FGF13: variants seen among roughly 807,000 people sequenced by gnomAD.
FGF13 encodes the protein fibroblast growth factor homologous factor 2.
Under a neutral mutation model 19.5 loss-of-function variants are expected in FGF13, and 2 were observed. The ratio of observed to expected loss-of-function variants is 0.10; its 90% CI spans 0.04 to 0.32. The LOEUF (loss-of-function observed/expected upper bound fraction) is 0.32, where lower values mean the gene tolerates loss of function less well. FGF13 is among the 10% of genes least tolerant of loss of function. FGF13 has a pLI of 1.00. For synonymous variants in FGF13, 72 were observed against 76.9 expected (o/e 0.94, Z 0.33); for missense variants, 113 against 192.7 (o/e 0.59, Z 2.45).
chrX:138,918,066 G>T (rs2091626792), intron 1 of FGF13, among the ~76,000 whole-genome samples: 1 of 110,661 alleles, frequency 9.0e-6, no homozygotes, highest in African/African-American at 3.3e-5. Flanking sequence ...CTGTGCCTAT[G>T]ATGGGGAGAC....
intron 3 of FGF13, among the ~76,000 whole-genome samples, chrX:138,817,244 G>A (rs1027963098): frequency 9.9e-5 from 11 of 111,299 alleles, no homozygotes; most frequent in African/African-American, 2.9e-4. Context: ...TAGGTATACC[G>A]CCTTGTGGTA....
intron 3 of FGF13, among the ~76,000 whole-genome samples, chrX:138,754,700 A>G (rs1316711733): frequency 1.8e-5 from 2 of 111,510 alleles, no homozygotes; most frequent in East Asian, 5.7e-4. Context: ...ATAGTTTTGC[A>G]CAAACAATGT....
intron 1 of FGF13, among the ~76,000 whole-genome samples, chrX:138,971,073 A>G (rs2091913545): frequency 9.0e-6 from 1 of 111,621 alleles, no homozygotes; most frequent in Non-Finnish European, 1.9e-5. Context: ...ATATATGCAA[A>G]TCTGGGGAGC....
chrX:139,165,444 T>C (rs1319563295), intron 1 of FGF13, among the ~76,000 whole-genome samples: 3 of 111,563 alleles, frequency 2.7e-5, no homozygotes. Context: ...TGACCATTTG[T>C]TAAAGAGATT....
At chrX:138,678,928 T>A (rs2089700413) in intron 3 of FGF13, among the ~76,000 whole-genome samples, 1 of 112,360 alleles carries the variant, frequency 8.9e-6, no homozygotes, top group Admixed American at 9.4e-5. Flanking sequence ...TCAAGAAATG[T>A]ATCCAAAACT....
chrX:139,144,867 C>CTG (rs199600898), intron 1 of FGF13, among the ~76,000 whole-genome samples: 6,945 of 110,901 alleles, frequency 0.063, 416 homozygotes, highest in African/African-American at 0.18. Context: ...TAAATAAAAA[C>CTG]AAAAAATTTT....
rs1157625185 is a variant in FGF13, at chrX:138,617,075, C to T, written c.*15775G>A. 1 of 111,660 alleles carries T rather than the reference C, an allele frequency of 9.0e-6. No individual in the cohort carries two copies. Among genetic ancestry groups the T allele is most frequent in the Admixed American group, 9.5e-5 (1 of 10,524 alleles). 9.2% of individuals were successfully genotyped at this position (111,660 alleles called of 1,213,427 possible). ...TGACATGCCCTAGAGACATTCTCCC[C>T]ATTGTTTTGGTGATTAATATTTGTA... On this transcript the variant is annotated 3_prime_UTR_variant, in exon 5 of 5. Coordinates refer to ENST00000315930, the MANE Select transcript of FGF13 (RefSeq NM_004114.5).
chrX:138,790,302 G>A (rs1163632742), intron 3 of FGF13, among the ~76,000 whole-genome samples: 1 of 108,425 alleles, frequency 9.2e-6, no homozygotes, highest in Non-Finnish European at 1.9e-5. Context: ...CACATCACGA[G>A]GACTCTACCC....
chrX:138,926,509 T>A (rs950660986), intron 1 of FGF13, among the ~76,000 whole-genome samples: 1 of 111,424 alleles, frequency 9.0e-6, no homozygotes, highest in African/African-American at 3.3e-5. Context: ...AATAGGATGA[T>A]CAATGTGGGC....
intron 1 of FGF13, among the ~76,000 whole-genome samples, chrX:138,720,436 A>C (rs1392333199): frequency 8.9e-6 from 1 of 112,107 alleles, no homozygotes; most frequent in African/African-American, 3.2e-5. Flanking sequence ...TCATTAGTGT[A>C]GGGAGTGGTG....
chrX:139,193,294 A>G (rs2084347150), intron 1 of FGF13, among the ~76,000 whole-genome samples: 1 of 112,272 alleles, frequency 8.9e-6, no homozygotes, highest in Non-Finnish European at 1.9e-5. Context: ...GCAAAATTAA[A>G]TCCAGCAGGA....
intron 1 of FGF13, among the ~76,000 whole-genome samples, chrX:139,007,040 A>C (rs2092104413): frequency 9.0e-6 from 1 of 111,722 alleles, no homozygotes; most frequent in Admixed American, 9.5e-5. Context: ...TCCAATTAAA[A>C]GACATAGACT....
At chrX:139,081,484 T>C (rs2083370145) in intron 1 of FGF13, among the ~76,000 whole-genome samples, 1 of 112,036 alleles carries the variant, frequency 8.9e-6, no homozygotes, top group South Asian at 3.8e-4. Context: ...CATATCTCTA[T>C]GGATGGCTTC....
chrX:138,981,253 T>A (rs2091962252), intron 1 of FGF13, among the ~76,000 whole-genome samples: 2 of 108,741 alleles, frequency 1.8e-5, no homozygotes, highest in South Asian at 8.1e-4. Context: ...ACAGGTACAA[T>A]GGCAACAGGA....
chrX:138,752,753 C>T (rs185740925), intron 3 of FGF13, among the ~76,000 whole-genome samples: 155 of 111,848 alleles, frequency 1.4e-3, no homozygotes, highest in Admixed American at 3.2e-3. Flanking sequence ...TTTTATACTG[C>T]CTTGAAGTAC....
At chrX:139,031,252 AC>A (rs2092225650) in intron 1 of FGF13, among the ~76,000 whole-genome samples, 2 of 111,458 alleles carry the variant, frequency 1.8e-5, no homozygotes, top group South Asian at 7.4e-4. Flanking sequence ...TATACCTAAA[AC>A]CCATTTGAAG....
chrX:138,917,366 G>A lies in FGF13; in HGVS notation c.-112-52716C>T, dbSNP rs138254331. On this transcript the variant is annotated intron_variant, in intron 1 of 2. Transcript: ENST00000421460. ...TACCAGACTATCCTCTATTCACCAT[G>A]TGAAGGTACAGCAAGAAGGTAGCGA... Among the ~76,000 whole-genome samples the A allele has an allele frequency of 1.9e-3, 216 of 112,114 alleles. 1 individual carries two copies. Among genetic ancestry groups the A allele is most frequent in the Middle Eastern group, 4.6e-3 (1 of 218 alleles).
At chrX:138,966,228 G>C (rs79486831) in intron 1 of FGF13, among the ~76,000 whole-genome samples, 3,812 of 111,660 alleles carry the variant, frequency 0.034, 159 homozygotes, top group African/African-American at 0.12. Flanking sequence ...TGTGAGAAGA[G>C]GGCTACTGTC....
chrX:138,648,620 G>T (rs1384474305), intron 3 of FGF13, among the ~76,000 whole-genome samples: 1 of 111,558 alleles, frequency 9.0e-6, no homozygotes, highest in Non-Finnish European at 1.9e-5. Flanking sequence ...CTTATGTTCT[G>T]CAGTATTATT....
Sources: gnomAD v4.1 joint callset for allele counts (sites outside exome capture counted in the v4.1 genomes callset) on GRCh38, gnomAD v4.1.1 for gene constraint, MANE v1.5 for transcripts, NCBI Gene and HGNC (gene_info 2026-07-23, HGNC 2026-07-21) for gene names.